PCDHA2: variants seen among roughly 807,000 people sequenced by gnomAD.
PCDHA2 encodes protocadherin alpha 2, also known as protocadherin alpha-2.
Under a neutral mutation model 66.0 loss-of-function variants are expected in PCDHA2, and 58 were observed. The observed-to-expected ratio is 0.88, with a 90% CI of 0.71 to 1.09. The LOEUF (loss-of-function observed/expected upper bound fraction) is 1.09, where lower values mean the gene tolerates loss of function less well. Ranked by LOEUF, PCDHA2 falls within the 50% of genes least tolerant of loss-of-function variation. PCDHA2 has a pLI of 0.00. For synonymous variants in PCDHA2, 634 were observed against 554.0 expected, an observed-to-expected ratio of 1.14 and a Z score of -2.03; for missense variants, 1,267 against 1,242.3, an observed-to-expected ratio of 1.02 and a Z score of -0.30.
intron 1 of PCDHA2, chr5:140,842,749 G>A: frequency 1.9e-6 from 3 of 1,595,014 alleles, no homozygotes; most frequent in Non-Finnish European, 1.7e-6. Flanking sequence ...ACATCTTCAC[G>A]GTGTCTGCGC....
At chr5:140,991,535 A>G (rs1323346658) in intron 3 of PCDHA2, among the ~76,000 whole-genome samples, 4 of 152,244 alleles carry the variant, frequency 2.6e-5, no homozygotes, top group South Asian at 4.1e-4. Context: ...TTGCCACTAT[A>G]TAACAAGGAT....
At chr5:140,891,400 G>A (rs1220760247) in intron 1 of PCDHA2, among the ~76,000 whole-genome samples, 1 of 150,966 alleles carries the variant, frequency 6.6e-6, no homozygotes, top group Non-Finnish European at 1.5e-5. Flanking sequence ...TTTATCCCTC[G>A]CCACCCCCCA....
chr5:140,942,701 G>T (rs2093357342), intron 1 of PCDHA2, among the ~76,000 whole-genome samples: 1 of 152,080 alleles, frequency 6.6e-6, no homozygotes, highest in Non-Finnish European at 1.5e-5. Flanking sequence ...TGAGAAATAT[G>T]AAGTAAAAGT....
intron 1 of PCDHA2, chr5:140,867,560 C>G (rs1352328708): frequency 1.3e-5 from 2 of 152,070 alleles, no homozygotes; most frequent in African/African-American, 4.8e-5. Context: ...CATATGATAA[C>G]TTTTTCATAT....
At chr5:140,866,702 C>T (rs251370) in intron 1 of PCDHA2, 67,860 of 151,870 alleles carry the variant, frequency 0.45, 15,551 homozygotes, top group South Asian at 0.58. Flanking sequence ...CAGTGGATGA[C>T]GTGCACTAGT....
At chr5:140,952,345 A>G (rs1199209045) in intron 1 of PCDHA2, among the ~76,000 whole-genome samples, 2 of 151,900 alleles carry the variant, frequency 1.3e-5, no homozygotes, top group Non-Finnish European at 2.9e-5. Context: ...TCTCAAAAAA[A>G]AAAAAAAAAG....
At chr5:140,910,099 T>G (rs1554194123) in intron 1 of PCDHA2, among the ~76,000 whole-genome samples, 1 of 152,230 alleles carries the variant, frequency 6.6e-6, no homozygotes, top group African/African-American at 2.4e-5. Context: ...CAGCCTCCCC[T>G]TCATTTAAGG....
chr5:140,843,196 G>A (rs2150355144), intron 1 of PCDHA2: 4 of 1,595,956 alleles, frequency 2.5e-6, no homozygotes, highest in Non-Finnish European at 3.4e-6. Flanking sequence ...TCCGCGTGGG[G>A]CTGTACACGG....
In PCDHA2 at chr5:140,847,506, T is replaced by C. The variant is rs1397904253; in HGVS notation, c.2388+50154T>C. ...GATAGTAAAACTCACAACAAAACTT[T>C]GTAGAACTTAGTCAGGAAAAGAATC... On this transcript the variant is annotated intron_variant, in intron 1 of 3. Transcript: ENST00000526136. 2.0e-5 allele frequency: 3 copies of C among 149,790 alleles called. No individual in the cohort carries two copies. The Admixed American group carries it at 2.0e-4, about 10-fold the overall frequency. The allele number at this position is 149,790 out of a possible 1,614,324, so 9.3% of individuals were successfully genotyped here. A position where few individuals can be genotyped will look rare whatever the true frequency, so the allele number is the denominator to read the frequency against.
intron 3 of PCDHA2, among the ~76,000 whole-genome samples, chr5:140,993,154 A>T (rs2097543247): frequency 6.6e-6 from 1 of 152,220 alleles, no homozygotes; most frequent in Admixed American, 6.5e-5. Flanking sequence ...AATGGATTCT[A>T]AATATTTGCC....
intron 1 of PCDHA2, chr5:140,877,884 C>T: frequency 6.8e-7 from 1 of 1,465,050 alleles, no homozygotes; most frequent in Non-Finnish European, 9.0e-7. Context: ...CCTTGAAGAA[C>T]TTCCGTTTAG....
chr5:140,986,195 A>C (rs1200850544), intron 3 of PCDHA2, among the ~76,000 whole-genome samples: 1 of 152,196 alleles, frequency 6.6e-6, no homozygotes, highest in African/African-American at 2.4e-5. Context: ...TAAATTGGTT[A>C]ATCCTGATTA....
chr5:140,983,504 G>A (rs2097054493), intron 3 of PCDHA2, among the ~76,000 whole-genome samples: 1 of 152,160 alleles, frequency 6.6e-6, no homozygotes, highest in Non-Finnish European at 1.5e-5. Flanking sequence ...GCCATAATAT[G>A]CCTAGACACT....
intron 1 of PCDHA2, among the ~76,000 whole-genome samples, chr5:140,887,801 G>C (rs1377550372): frequency 1.3e-5 from 2 of 151,856 alleles, no homozygotes; most frequent in Admixed American, 1.3e-4. Context: ...CTTTATTTTT[G>C]TCCATTTCTT....
chr5:140,795,580 G>C lies in PCDHA2; in HGVS notation c.616G>C (p.Ala206Pro). 6.2e-7 allele frequency: 1 copy of C among 1,614,196 alleles called. No individual in the cohort carries two copies. The highest frequency in any genetic ancestry group is 8.5e-7 in the Non-Finnish European group (1 of 1,180,028). Residue 206 changes from alanine (A) to proline (P), a missense_variant, in exon 1 of 4, where the codon GCT (alanine) becomes CCT (proline). Physicochemically the swap from Ala to Pro is conservative, Grantham distance 27. Transcript: ENST00000526136. ...LGKSLDREETAEVNLLLVATD... is the reference protein window; with the variant it reads ...LGKSLDREETPEVNLLLVATD... The stretch of plus-strand genomic sequence containing the variant: ...GAAATCGCTGGACAGAGAGGAAACT[G>C]CTGAGGTTAATTTGTTACTGGTGGC...
intron 1 of PCDHA2, chr5:140,858,010 C>T (rs1554151006): frequency 1.3e-6 from 2 of 1,596,376 alleles, no homozygotes; most frequent in South Asian, 1.1e-5. Flanking sequence ...AGGACCATGG[C>T]GAGCCGTCGC....
chr5:140,938,753 T>G (rs1381426227), intron 1 of PCDHA2, among the ~76,000 whole-genome samples: 3 of 152,170 alleles, frequency 2.0e-5, no homozygotes, highest in Admixed American at 1.3e-4. Flanking sequence ...TTTAAAGGCA[T>G]AGTTATTGGG....
chr5:140,863,770 G>A (rs953823411), intron 1 of PCDHA2: 6 of 240,128 alleles, frequency 2.5e-5, no homozygotes, highest in Non-Finnish European at 4.1e-5. Context: ...AAGCCGAGGC[G>A]GGCGGATCAC....
Position 140,797,045 on chromosome 5 carries a change from T to C in PCDHA2, c.2081T>C (p.Val694Ala), listed in dbSNP as rs1200494140. ...GCCGCGGGCTCAGAGGCTACGCTGG[T>C]GGATGTCAACGTGTACCTGATCATC... ...VGAAGSEATL[V>A]DVNVYLIIAI... is the part of the protein sequence containing the mutation. Residue 694 changes from valine to alanine, a missense_variant, in exon 1 of 4, where the codon GTG (valine) becomes GCG (alanine). Physicochemically the swap from Val to Ala is moderately conservative, Grantham distance 64. Transcript: ENST00000526136. 1 of 1,613,672 alleles carries C rather than the reference T, an allele frequency of 6.2e-7. No homozygotes were observed. Among genetic ancestry groups the C allele is most frequent in the Non-Finnish European group, 8.5e-7 (1 of 1,179,962 alleles).
Sources: allele counts gnomAD v4.1 joint callset (sites outside exome capture counted in the v4.1 genomes callset), GRCh38; gene constraint gnomAD v4.1.1; transcripts MANE v1.5; gene names NCBI Gene and HGNC (gene_info 2026-07-23, HGNC 2026-07-21).